GLO1: variants seen among roughly 807,000 people sequenced by gnomAD.
GLO1 encodes the protein lactoylglutathione lyase.
In GLO1, 28 loss-of-function variants were observed where a neutral mutation model predicts 26.0. That is an observed-to-expected ratio of 1.08 (90% CI 0.80 to 1.48). GLO1 has a LOEUF of 1.48. Among genes scored for constraint, GLO1 ranks in the 40% most tolerant of loss-of-function variants. GLO1 has a pLI of 0.00. For synonymous variants in GLO1, 78 were observed against 77.6 expected (o/e 1.00, Z -0.03); for missense variants, 225 against 224.8 (o/e 1.00, Z -0.01).
chr6:38,700,904 C>T (rs1228409003), intron 1 of GLO1, among the ~76,000 whole-genome samples: 1 of 151,936 alleles, frequency 6.6e-6, no homozygotes, highest in African/African-American at 2.4e-5. Flanking sequence ...CTCAGCCTCC[C>T]AAGTAGCTGG....
chr6:38,683,966 C>G (rs1010344886), intron 3 of GLO1, among the ~76,000 whole-genome samples: 2 of 152,044 alleles, frequency 1.3e-5, no homozygotes, highest in Non-Finnish European at 2.9e-5. Flanking sequence ...TCCCAGCAGT[C>G]TGGGAGGCCG....
chr6:38,679,432 G>A (rs531357670), intron 5 of GLO1, among the ~76,000 whole-genome samples: 1 of 151,982 alleles, frequency 6.6e-6, no homozygotes, highest in Admixed American at 6.6e-5. Flanking sequence ...CCTCTGCCTC[G>A]GCCTCCCAAA....
At chr6:38,683,769 C>T (rs1761421196) in intron 3 of GLO1, among the ~76,000 whole-genome samples, 1 of 151,844 alleles carries the variant, frequency 6.6e-6, no homozygotes, top group South Asian at 2.1e-4. Context: ...CGCCTGTAGT[C>T]CCAGCTACTT....
Position 38,684,399 on chromosome 6 carries a change from T to C in GLO1, c.283A>G (p.Arg95Gly). The C allele has an allele frequency of 6.5e-7, 1 of 1,542,644 alleles. No homozygotes were observed. The highest frequency in any genetic ancestry group is 8.8e-7 in the Non-Finnish European group (1 of 1,141,482). Residue 95 changes from arginine to glycine, a missense_variant, in exon 3 of 6, where the codon AGA (arginine) becomes GGA (glycine). Physicochemically the swap from Arg to Gly is moderately radical, Grantham distance 125 (BLOSUM62 -2). Transcript: ENST00000373365. Reference sequence around the variant, plus strand: ...TGTGTCAGCTCAAGTGTAGCTTTTCTGGAGAGCGCCCAGGCTATTTTTTCA... The same window carrying C: ...TGTGTCAGCTCAAGTGTAGCTTTTCCGGAGAGCGCCCAGGCTATTTTTTCA... ...KDEKIAWALS[R>G]KATLELTHNW... is the part of the protein sequence containing the mutation.
chr6:38,688,705 C>G (rs1032322868), intron 1 of GLO1, among the ~76,000 whole-genome samples: 39 of 152,186 alleles, frequency 2.6e-4, no homozygotes, highest in Admixed American at 1.1e-3. Context: ...GGTTCTCAGT[C>G]TCAGGAGGGA....
rs572966196 is a variant in GLO1, at chr6:38,676,535, T to C, written c.*760A>G. The C allele has an allele frequency of 6.6e-6, 1 of 152,324 alleles. No homozygotes were observed. Among genetic ancestry groups the C allele is most frequent in the Admixed American group, 6.5e-5 (1 of 15,308 alleles). The allele number at this position is 152,324 out of a possible 1,614,324, so 9.4% of individuals were successfully genotyped here. On this transcript the variant is annotated 3_prime_UTR_variant, in exon 6 of 6. Transcript: ENST00000373365. ...ACAATCTAAATACTAAAAATGATTATGAAATCTTGAGTTGAGCTGATTGAT... is the reference window on the plus strand; with the variant it reads ...ACAATCTAAATACTAAAAATGATTACGAAATCTTGAGTTGAGCTGATTGAT...
chr6:38,693,685 C>CTCTCTCTCTCTCTCTCTCTCTA (rs869232489), intron 1 of GLO1, among the ~76,000 whole-genome samples: 1 of 86,460 alleles, frequency 1.2e-5, no homozygotes, highest in Non-Finnish European at 2.4e-5. Context: ...CTCTCTCTCT[C>CTCTCTCTCTCTCTCTCTCTCTA]TATATATATA....
intron 5 of GLO1, among the ~76,000 whole-genome samples, chr6:38,678,322 A>AAGAGAAAGAGAAAG (rs765933249): frequency 1.7e-4 from 22 of 131,666 alleles, no homozygotes; most frequent in African/African-American, 7.2e-4. Context: ...GAAAGAGAGA[A>AAGAGAAAGAGAAAG]AGAGAAAGAG....
intron 1 of GLO1, chr6:38,687,224 G>T: frequency 2.9e-6 from 1 of 346,234 alleles, no homozygotes; most frequent in Non-Finnish European, 4.1e-6. Context: ...CCTGTCCCTT[G>T]GTGGGACAAT....
chr6:38,702,931 G>A, intron 1 of GLO1, 40 bp downstream of exon 1: 1 of 1,180,194 alleles, frequency 8.5e-7, no homozygotes, highest in Non-Finnish European at 1.3e-6. Context: ...TCCCGGCCCA[G>A]CGGAGCTGGG....
intron 3 of GLO1, among the ~76,000 whole-genome samples, chr6:38,683,812 G>A (rs533173919): frequency 2.4e-4 from 36 of 152,022 alleles, no homozygotes; most frequent in Admixed American, 8.5e-4. Flanking sequence ...GAGTGAATCC[G>A]GGAGGCAGAG....
chr6:38,687,988 A>G (rs955782982), intron 1 of GLO1, among the ~76,000 whole-genome samples: 2 of 152,064 alleles, frequency 1.3e-5, no homozygotes, highest in African/African-American at 2.4e-5. Context: ...TCTTTCTCCT[A>G]TATAACTCAC....
chr6:38,700,937 G>A (rs1562493040), intron 1 of GLO1, among the ~76,000 whole-genome samples: 2 of 152,004 alleles, frequency 1.3e-5, no homozygotes, highest in Non-Finnish European at 2.9e-5. Flanking sequence ...CCGCCACCAT[G>A]CCCAGCTAAT....
At chr6:38,693,677 CTCTCTCTCTATATATA>C (rs1232820905) in intron 1 of GLO1, among the ~76,000 whole-genome samples, 1 of 97,148 alleles carries the variant, frequency 1.0e-5, no homozygotes, top group Non-Finnish European at 2.1e-5. Context: ...CTCTCTCTCT[CTCTCTCTCTATATATA>C]TATATATATA....
At chr6:38,688,949 A>G (rs1289819737) in intron 1 of GLO1, among the ~76,000 whole-genome samples, 1 of 152,188 alleles carries the variant, frequency 6.6e-6, no homozygotes, top group African/African-American at 2.4e-5. Flanking sequence ...CGCGCAAAGA[A>G]AGTAGAAGAG....
Position 38,703,064 on chromosome 6 carries a change from G to A in GLO1, c.-10C>T. ...GCTGCGGTTCTGCCATGGCTGCGCT[G>A]CAGTATCACAGACGACGGGACCCAA... On this transcript the variant is annotated 5_prime_UTR_variant, in exon 1 of 6. Coordinates refer to ENST00000373365, the MANE Select transcript of GLO1 (RefSeq NM_006708.3). 1 of 1,499,756 alleles carries A rather than the reference G, an allele frequency of 6.7e-7. No individual in the cohort carries two copies. Among genetic ancestry groups the A allele is most frequent in the Non-Finnish European group, 9.2e-7 (1 of 1,083,038 alleles). 92.9% of individuals were successfully genotyped at this position (1,499,756 alleles called of 1,614,324 possible). A position where few individuals can be genotyped will look rare whatever the true frequency, so the allele number is the denominator to read the frequency against.
intron 5 of GLO1, among the ~76,000 whole-genome samples, chr6:38,680,308 G>A (rs1761351733): frequency 6.6e-6 from 1 of 152,028 alleles, no homozygotes; most frequent in South Asian, 2.1e-4. Flanking sequence ...GATCACCTGA[G>A]GTTGGGATTT....
intron 3 of GLO1, 49 bp from the exon 4 acceptor site, chr6:38,682,924 T>A (rs1261295607): frequency 1.9e-6 from 2 of 1,072,416 alleles, no homozygotes; most frequent in Non-Finnish European, 2.9e-6. Flanking sequence ...GAATAGATAT[T>A]CTGAAAAGCA....
In GLO1 at chr6:38,678,382, G is replaced by GGAAGGAAGGAAGGAAA. The variant is rs139732300; in HGVS notation, c.467-1000_467-999insTTTCCTTCCTTCCTTC. The stretch of plus-strand genomic sequence containing the variant: ...GGAAGGAAGGAGGGAGGGAGAGAGA[G>GGAAGGAAGGAAGGAAA]GAAGGAAGGAAGGAAGGAAAAGAAA... On this transcript the variant is annotated intron_variant, in intron 5 of 5. Coordinates refer to ENST00000373365, the MANE Select transcript of GLO1 (RefSeq NM_006708.3). Among the ~76,000 whole-genome samples the GGAAGGAAGGAAGGAAA allele has an allele frequency of 3.5e-4, 50 of 143,330 alleles. 1 individual carries two copies. The highest frequency in any genetic ancestry group is 1.1e-3 in the Admixed American group (15 of 14,080). 94.0% of individuals were successfully genotyped at this position (143,330 alleles called of 152,430 possible).
Sources: allele counts gnomAD v4.1 joint callset (sites outside exome capture counted in the v4.1 genomes callset), GRCh38; gene constraint gnomAD v4.1.1; transcripts MANE v1.5; gene names NCBI Gene and HGNC (gene_info 2026-07-23, HGNC 2026-07-21).